EML6: variants seen among roughly 807,000 people sequenced by gnomAD.
The protein encoded by EML6 is EMAP like 6, also known as echinoderm microtubule-associated protein-like 6.
In EML6, 154 loss-of-function variants were observed where a neutral mutation model predicts 240.1. The observed-to-expected ratio is 0.64, with a 90% CI of 0.56 to 0.73. The LOEUF (loss-of-function observed/expected upper bound fraction) is 0.73. Ranked by LOEUF, EML6 falls within the 30% of genes least tolerant of loss-of-function variation. The pLI is 0.00. For synonymous variants in EML6, 1,148 were observed against 899.0 expected, an observed-to-expected ratio of 1.28 and a Z score of -4.95; for missense variants, 2,964 against 2,474.6, an observed-to-expected ratio of 1.20 and a Z score of -4.20.
intron 7 of EML6, among the ~76,000 whole-genome samples, chr2:54,830,970 C>G (rs77405016): frequency 1.3e-5 from 2 of 152,064 alleles, no homozygotes; most frequent in African/African-American, 2.4e-5. Flanking sequence ...ACAAGGAGAT[C>G]GAAGGCCTTA....
intron 34 of EML6, among the ~76,000 whole-genome samples, 186 bp from the exon 35 acceptor site, chr2:54,960,034 T>G (rs1676422189): frequency 6.6e-6 from 1 of 151,934 alleles, no homozygotes; most frequent in Non-Finnish European, 1.5e-5. Flanking sequence ...GCTCAGGAGG[T>G]TGGGATTGCT....
chr2:54,795,509 G>A (rs1002717477), intron 2 of EML6, among the ~76,000 whole-genome samples: 14 of 152,150 alleles, frequency 9.2e-5, no homozygotes, highest in African/African-American at 2.2e-4. Flanking sequence ...ATACACGTGT[G>A]GGGGAGGAAA....
chr2:54,902,473 C>T (rs1031723142), intron 22 of EML6, among the ~76,000 whole-genome samples: 2 of 152,196 alleles, frequency 1.3e-5, no homozygotes, highest in Non-Finnish European at 2.9e-5. Flanking sequence ...GATCACTGCT[C>T]ACTGCACCCT....
At chr2:54,857,851 G>A (rs567609065) in intron 11 of EML6, among the ~76,000 whole-genome samples, 8 of 152,320 alleles carry the variant, frequency 5.3e-5, no homozygotes, top group African/African-American at 1.9e-4. Flanking sequence ...GAGTGAGTGA[G>A]CGGGGAGAGA....
Position 54,880,047 on chromosome 2 carries a change from A to G in EML6, c.2438+407A>G, listed in dbSNP as rs187979889. 1.1e-3 allele frequency: 171 copies of G among 157,246 alleles called. 3 individuals carry two copies. The South Asian group carries it at 0.018, about 17-fold the overall frequency. The allele number at this position is 157,246 out of a possible 1,614,324, so 9.7% of individuals were successfully genotyped here. ...GCACCGTTTGTCATGAGGCTGCAGC[A>G]TGCTGGAAAGGAGGCCCCACCGTGT... On this transcript the variant is annotated intron_variant, in intron 17 of 41. Transcript: ENST00000356458.
At chr2:54,896,761 C>G (rs568519754) in intron 21 of EML6, among the ~76,000 whole-genome samples, 28 of 152,270 alleles carry the variant, frequency 1.8e-4, no homozygotes, top group Middle Eastern at 3.4e-3. Context: ...GAGAGGGTCC[C>G]TCTGACTTAC....
rs190849582 is a variant in EML6 at position 54,968,776 on chromosome 2, C to G, written c.5852+8C>G. 1.4e-6 allele frequency: 2 copies of G among 1,453,768 alleles called. No individual in the cohort carries two copies. The highest frequency in any genetic ancestry group is 9.5e-7 in the Non-Finnish European group (1 of 1,057,796). The allele number at this position is 1,453,768 out of a possible 1,614,324, so 90.1% of individuals were successfully genotyped here. ...TGGAGGAGACGACTGCAGGTACTAA[C>G]GTAGCTGACCCAGTTCTTACTCCAC... On this transcript the variant is annotated splice_region_variant and intron_variant, in intron 41 of 41. Transcript: ENST00000356458.
intron 8 of EML6, among the ~76,000 whole-genome samples, chr2:54,846,054 G>A (rs1363579088): frequency 6.6e-6 from 1 of 152,154 alleles, no homozygotes; most frequent in Non-Finnish European, 1.5e-5. Flanking sequence ...AGGTGTTGTG[G>A]GGATGGGAAT....
chr2:54,864,567 A>G (rs1174120972), intron 13 of EML6, among the ~76,000 whole-genome samples: 1 of 152,154 alleles, frequency 6.6e-6, no homozygotes, highest in Admixed American at 6.5e-5. Context: ...CTTTCTTGTC[A>G]CTTAACAAAG....
chr2:54,793,385 C>CTTTTTT (rs10683746), intron 2 of EML6, among the ~76,000 whole-genome samples: 5 of 121,808 alleles, frequency 4.1e-5, no homozygotes, highest in South Asian at 2.7e-4. Flanking sequence ...TATGAGTAGG[C>CTTTTTT]TTTTTTTTTT....
Position 54,866,952 on chromosome 2 carries a change from A to T in EML6, c.2051+68A>T, listed in dbSNP as rs895540513. ...CTGCCTGGCTGTCACCAACCTTAGC[A>T]CCAGGCTTAAGGGATCCCCTCCCCT... On this transcript the variant is annotated intron_variant, in intron 14 of 41. Coordinates refer to ENST00000356458, the MANE Select transcript of EML6 (RefSeq NM_001039753.4). 3 of 920,280 alleles carry T rather than the reference A, an allele frequency of 3.3e-6. No homozygotes were observed. In the African/African-American group the frequency reaches 5.0e-5, roughly 15 times the overall value. The allele number at this position is 920,280 out of a possible 1,614,324, so 57.0% of individuals were successfully genotyped here.
chr2:54,903,803 T>G (rs765691766), intron 24 of EML6, among the ~76,000 whole-genome samples: 1 of 152,212 alleles, frequency 6.6e-6, no homozygotes, highest in African/African-American at 2.4e-5. Flanking sequence ...TCACCTTTAG[T>G]TGGGAGTGCT....
In EML6 at chr2:54,899,747, A is replaced by G; in HGVS notation, c.3089A>G (p.Gln1030Arg). Residue 1030 changes from glutamine (Q) to arginine (R), a missense_variant, in exon 22 of 42, where the codon CAG becomes CGG. Physicochemically the swap from Gln to Arg is conservative, Grantham distance 43. Transcript: ENST00000356458. ...KTLRIWELSA[Q>R]HRMLAVRKLK... is the part of the protein sequence containing the mutation. ...CTTCGCATCTGGGAACTATCTGCCC[A>G]GCACCGTATGCTGGCAGTACGGAAA... The G allele has an allele frequency of 6.4e-7, 1 of 1,551,876 alleles. No individual in the cohort carries two copies. Among genetic ancestry groups the G allele is most frequent in the Non-Finnish European group, 8.7e-7 (1 of 1,147,004 alleles).
At chr2:54,727,793 T>A (rs531006848) in intron 2 of EML6, among the ~76,000 whole-genome samples, 1 of 152,334 alleles carries the variant, frequency 6.6e-6, no homozygotes, top group South Asian at 2.1e-4. Flanking sequence ...TGCATACATC[T>A]ATACTGCTTT....
chr2:54,923,357 C>G (rs1250169737), intron 26 of EML6, among the ~76,000 whole-genome samples: 1 of 112,012 alleles, frequency 8.9e-6, no homozygotes, highest in East Asian at 2.4e-4. Flanking sequence ...CCTAAGTGTC[C>G]TCACCAAACG....
intron 26 of EML6, among the ~76,000 whole-genome samples, chr2:54,919,041 T>C (rs4233955): frequency 0.072 from 10,903 of 152,314 alleles, 673 homozygotes; most frequent in South Asian, 0.21. Context: ...ATGCCACCTC[T>C]CCTGATTCCT....
intron 32 of EML6, among the ~76,000 whole-genome samples, chr2:54,955,339 G>A (rs1371754427): frequency 1.3e-5 from 2 of 152,080 alleles, no homozygotes; most frequent in Non-Finnish European, 2.9e-5. Context: ...CTGCAGTTAG[G>A]ACCCATCCTA....
intron 29 of EML6, among the ~76,000 whole-genome samples, chr2:54,950,091 A>G (rs1018597909): frequency 1.3e-5 from 2 of 152,252 alleles, no homozygotes; most frequent in African/African-American, 4.8e-5. Flanking sequence ...TCTTTGTCTT[A>G]GAAGACAAGA....
intron 2 of EML6, among the ~76,000 whole-genome samples, chr2:54,743,675 C>G (rs1169272340): frequency 6.6e-6 from 1 of 152,120 alleles, no homozygotes; most frequent in Non-Finnish European, 1.5e-5. Context: ...AGTCTCTAAA[C>G]TTTTTTTGAT....
Sources: gnomAD v4.1 joint callset for allele counts (sites outside exome capture counted in the v4.1 genomes callset) on GRCh38, gnomAD v4.1.1 for gene constraint, MANE v1.5 for transcripts, NCBI Gene and HGNC (gene_info 2026-07-23, HGNC 2026-07-21) for gene names.